The following FGGY variants were observed in gnomAD, a reference collection of about 807,000 sequenced individuals.
FGGY encodes FGGY carbohydrate kinase domain-containing protein.
A neutral mutation model predicts 71.3 loss-of-function variants in FGGY; 72 were observed. That is an observed-to-expected ratio of 1.01 (90% CI 0.84 to 1.23). FGGY has a LOEUF of 1.23. FGGY is among the 50% of genes most tolerant of loss of function. FGGY has a pLI of 0.00. For synonymous variants in FGGY, 251 were observed against 250.3 expected, an observed-to-expected ratio of 1.00 and a Z score of -0.02; for missense variants, 668 against 682.3, an observed-to-expected ratio of 0.98 and a Z score of 0.23.
intron 5 of FGGY, among the ~76,000 whole-genome samples, chr1:59,441,601 C>T (rs2069902338): frequency 6.6e-6 from 1 of 152,134 alleles, no homozygotes; most frequent in Non-Finnish European, 1.5e-5. Flanking sequence ...ACAATGGTAA[C>T]AAGAGCAGCT....
Position 59,638,308 on chromosome 1 carries a change from AT to A in FGGY, c.1157del (p.Leu386TyrfsTer14). 1 of 1,614,152 alleles carries A rather than the reference AT, an allele frequency of 6.2e-7. No homozygotes were observed. Among genetic ancestry groups the A allele is most frequent in the Non-Finnish European group, 8.5e-7 (1 of 1,180,028 alleles). On this transcript the variant is annotated frameshift_variant, in exon 11 of 16. Transcript: ENST00000303721. LOFTEE classifies it high-confidence loss of function. ...KAQPVGFLTV[D>X]LHVWPDFHGN... ...CAGCCTGTGGGTTTCCTTACTGTTG[AT>A]TTACATGTTTGGCCAGATTTCCATG...
chr1:59,319,276 A>G (rs2045975379), intron 1 of FGGY, among the ~76,000 whole-genome samples: 1 of 152,208 alleles, frequency 6.6e-6, no homozygotes, highest in Non-Finnish European at 1.5e-5. Flanking sequence ...ACAGGCATGG[A>G]CCTGTTCATC....
chr1:59,548,372 G>T (rs1045436116), intron 7 of FGGY, among the ~76,000 whole-genome samples: 1 of 152,152 alleles, frequency 6.6e-6, no homozygotes, highest in African/African-American at 2.4e-5. Flanking sequence ...CGTGGATGGC[G>T]TATCTCCCAT....
At chr1:59,500,663 CAA>C (rs922111998) in intron 6 of FGGY, among the ~76,000 whole-genome samples, 353 of 44,660 alleles carry the variant, frequency 7.9e-3, no homozygotes, top group African/African-American at 0.03. Context: ...GCCTTCTTGC[CAA>C]AAAAAAAAAA....
chr1:59,624,633 C>T (rs1032513372), intron 9 of FGGY, among the ~76,000 whole-genome samples: 1 of 152,118 alleles, frequency 6.6e-6, no homozygotes, highest in African/African-American at 2.4e-5. Flanking sequence ...GCGTCACAAT[C>T]ATAGCAGAAG....
intron 10 of FGGY, among the ~76,000 whole-genome samples, chr1:59,634,382 A>G (rs1341155861): frequency 6.6e-6 from 1 of 152,158 alleles, no homozygotes; most frequent in Admixed American, 6.5e-5. Context: ...ACTCCAGCCT[A>G]GTGACAGAGC....
At chr1:59,522,080 T>C (rs772188247) in intron 7 of FGGY, among the ~76,000 whole-genome samples, 10 of 152,244 alleles carry the variant, frequency 6.6e-5, no homozygotes, top group Non-Finnish European at 1.5e-4. Flanking sequence ...CCAAGTGTTT[T>C]GCTAGGTACT....
chr1:59,324,300 G>T (rs1348077587), intron 2 of FGGY, among the ~76,000 whole-genome samples: 3 of 113,216 alleles, frequency 2.6e-5, no homozygotes, highest in Admixed American at 1.1e-4. Context: ...TTTTTGAGAC[G>T]GAGTCTCGCT....
intron 11 of FGGY, among the ~76,000 whole-genome samples, chr1:59,645,689 G>A (rs1313464661): frequency 6.6e-6 from 1 of 152,144 alleles, no homozygotes; most frequent in Non-Finnish European, 1.5e-5. Context: ...CCTTTGTTTT[G>A]TGGTGTTTGG....
At chr1:59,600,238 A>G (rs556776502) in intron 8 of FGGY, among the ~76,000 whole-genome samples, 4 of 152,316 alleles carry the variant, frequency 2.6e-5, no homozygotes, top group Admixed American at 2.6e-4. Context: ...ACCGTGACCT[A>G]CTGTGGGGCA....
chr1:59,441,064 G>A (rs1266280751), intron 5 of FGGY, among the ~76,000 whole-genome samples: 2 of 152,012 alleles, frequency 1.3e-5, no homozygotes, highest in African/African-American at 4.8e-5. Context: ...GTAGCCTTTT[G>A]TGCTCCCATA....
intron 14 of FGGY, among the ~76,000 whole-genome samples, chr1:59,729,328 T>C (rs2097994259): frequency 6.6e-6 from 1 of 152,228 alleles, no homozygotes; most frequent in South Asian, 2.1e-4. Context: ...TTGCATTAAA[T>C]TATCTGATAA....
intron 5 of FGGY, among the ~76,000 whole-genome samples, chr1:59,402,665 G>T (rs1268821108): frequency 6.6e-6 from 1 of 152,144 alleles, no homozygotes; most frequent in African/African-American, 2.4e-5. Flanking sequence ...CAGGAAACAG[G>T]GTTTAGGGAT....
chr1:59,618,078 A>G (rs2096774252), intron 9 of FGGY, among the ~76,000 whole-genome samples: 1 of 152,048 alleles, frequency 6.6e-6, no homozygotes. Flanking sequence ...CGTTACAGAG[A>G]TTTCCTGAGT....
Position 59,302,028 on chromosome 1 carries a change from C to A in FGGY, c.-15+4878C>A, listed in dbSNP as rs140358211. Among the ~76,000 whole-genome samples the A allele has an allele frequency of 3.5e-3, 534 of 151,810 alleles. 8 individuals carry two copies. The highest frequency in any genetic ancestry group is 0.013 in the African/African-American group (519 of 41,408). ...TTGGGATTACAGGCGTGAGCCACTGCGCCCAGCTGATCATTTATATTTTTA... is the reference window on the plus strand; with the variant it reads ...TTGGGATTACAGGCGTGAGCCACTGAGCCCAGCTGATCATTTATATTTTTA... On this transcript the variant is annotated intron_variant, in intron 1 of 15. Coordinates refer to ENST00000303721, the MANE Select transcript of FGGY (RefSeq NM_018291.5).
chr1:59,547,784 T>G (rs2095549514), intron 7 of FGGY, among the ~76,000 whole-genome samples: 1 of 152,346 alleles, frequency 6.6e-6, no homozygotes, highest in South Asian at 2.1e-4. Flanking sequence ...ATCAATATTT[T>G]TCACCTTTAT....
At chr1:59,630,369 G>A (rs544593932) in intron 10 of FGGY, among the ~76,000 whole-genome samples, 39 of 152,202 alleles carry the variant, frequency 2.6e-4, no homozygotes, top group African/African-American at 8.9e-4. Context: ...AGCAGCATAC[G>A]TCAGTCATTC....
intron 14 of FGGY, among the ~76,000 whole-genome samples, chr1:59,749,463 ATT>A (rs1429091074): frequency 3.9e-5 from 6 of 152,148 alleles, no homozygotes; most frequent in African/African-American, 1.2e-4. Context: ...AAGTCATGCA[ATT>A]GGTGGCAGGA....
At chr1:59,700,852 G>A (rs1290502285) in intron 14 of FGGY, among the ~76,000 whole-genome samples, 1 of 152,216 alleles carries the variant, frequency 6.6e-6, no homozygotes, top group Non-Finnish European at 1.5e-5. Flanking sequence ...AGGCCCTCCT[G>A]AGGAAGGGAT....
Sources: allele counts gnomAD v4.1 joint callset (sites outside exome capture counted in the v4.1 genomes callset), GRCh38; gene constraint gnomAD v4.1.1; transcripts MANE v1.5; gene names NCBI Gene and HGNC (gene_info 2026-07-23, HGNC 2026-07-21).